Variants in MAST2 observed in about 807,000 individuals in gnomAD.
MAST2 encodes the protein microtubule-associated serine/threonine-protein kinase 2.
In MAST2, 70 loss-of-function variants were observed where a neutral mutation model predicts 147.4. The ratio of observed to expected loss-of-function variants is 0.47; its 90% CI spans 0.39 to 0.58. The LOEUF (loss-of-function observed/expected upper bound fraction) is 0.58, where lower values mean the gene tolerates loss of function less well. Ranked by LOEUF, MAST2 falls within the 20% of genes least tolerant of loss-of-function variation. The probability of loss-of-function intolerance (pLI) is 0.00; values close to 1 mark genes in which losing one functional copy is unlikely to be tolerated. For synonymous variants in MAST2, 869 were observed against 896.8 expected (o/e 0.97, Z 0.55); for missense variants, 2,080 against 2,302.3 (o/e 0.90, Z 1.98).
chr1:46,029,689 C>T, intron 19 of MAST2, 122 bp downstream of exon 19: 2 of 1,366,252 alleles, frequency 1.5e-6, no homozygotes, highest in Non-Finnish European at 2.0e-6. Context: ...AAACTCTGCC[C>T]TGCTCTGTAG....
At chr1:45,889,191 T>A (rs6662548) in intron 4 of MAST2, among the ~76,000 whole-genome samples, 67,185 of 149,792 alleles carry the variant, frequency 0.45, 14,995 homozygotes, top group East Asian at 0.62. Flanking sequence ...TTTGGTGAAA[T>A]TTTTTTTTTT....
chr1:45,978,900 T>A (rs1644283950), intron 5 of MAST2, among the ~76,000 whole-genome samples: 1 of 152,178 alleles, frequency 6.6e-6, no homozygotes, highest in Non-Finnish European at 1.5e-5. Flanking sequence ...AGGTATAGAT[T>A]CATTTTTGGG....
At chr1:45,906,391 T>A (rs1650731219) in intron 4 of MAST2, among the ~76,000 whole-genome samples, 2 of 151,718 alleles carry the variant, frequency 1.3e-5, no homozygotes, top group African/African-American at 2.4e-5. Flanking sequence ...ATTTAAAATT[T>A]AAAAATAAAA....
At chr1:45,899,307 C>CTTTTTTTTTTTTTTT (rs770069959) in intron 4 of MAST2, among the ~76,000 whole-genome samples, 33 of 108,016 alleles carry the variant, frequency 3.1e-4, no homozygotes, top group East Asian at 5.6e-4. Context: ...CCTTTCTTTT[C>CTTTTTTTTTTTTTTT]TTTTTTTTTT....
Position 46,034,948 on chromosome 1 carries a change from A to G in MAST2, c.4279A>G (p.Lys1427Glu), listed in dbSNP as rs1190751641. 2 of 1,613,984 alleles carry G rather than the reference A, an allele frequency of 1.2e-6. No individual in the cohort carries two copies. The highest frequency in any genetic ancestry group is 2.7e-5 in the African/African-American group (2 of 74,918). ...TGAGAAGAAGCTAGCCACTTCTCGC[A>G]AGCACAGCCTTGACCTGCCCCACTC... is the stretch of plus-strand genomic sequence containing the variant. ...ASEKKLATSR[K>E]HSLDLPHSEL... The change falls in exon 29 of 29, where the codon AAG becomes GAG. Residue 1427 changes from lysine to glutamate, a missense_variant. This residue lies in a region of MAST2 where 1,278 missense variants were observed against 1,304.2 expected (regional missense o/e 0.98). Coordinates refer to ENST00000361297, the MANE Select transcript of MAST2 (RefSeq NM_015112.3).
chr1:45,848,948 T>C (rs1645532245), intron 3 of MAST2, among the ~76,000 whole-genome samples: 1 of 152,122 alleles, frequency 6.6e-6, no homozygotes, highest in Admixed American at 6.6e-5. Flanking sequence ...ACAGCCCAGC[T>C]GGGAGCCAAA....
chr1:45,913,632 G>T (rs899662804), intron 4 of MAST2: 2 of 1,003,128 alleles, frequency 2.0e-6, no homozygotes, highest in South Asian at 4.0e-5. Context: ...CTGCTGCCTC[G>T]TGGGCTCTTA....
At chr1:45,816,623 TA>T (rs35426195) in intron 1 of MAST2, among the ~76,000 whole-genome samples, 1 of 151,510 alleles carries the variant, frequency 6.6e-6, no homozygotes, top group East Asian at 1.9e-4. Context: ...GTTGATATAC[TA>T]AGGAATGCAT....
rs780054448 is a variant in MAST2, at chr1:46,028,966, CAG to C, written c.2218+36_2218+37del. Reference sequence around the variant, plus strand: ...CTATGCCCCTGGCCCAGTGGGGAAACAGAGTCTGAATCCACAAATATGATGTA... The same window carrying C: ...CTATGCCCCTGGCCCAGTGGGGAAACAGTCTGAATCCACAAATATGATGTA... On this transcript the variant is annotated intron_variant, in intron 18 of 28. Coordinates refer to ENST00000361297, the MANE Select transcript of MAST2 (RefSeq NM_015112.3). 10 of 1,528,212 alleles carry C rather than the reference CAG, an allele frequency of 6.5e-6. No individual in the cohort carries two copies. In the South Asian group the frequency reaches 6.5e-5, roughly 10 times the overall value. The allele number at this position is 1,528,212 out of a possible 1,614,324, so 94.7% of individuals were successfully genotyped here. A position where few individuals can be genotyped will look rare whatever the true frequency, so the allele number is the denominator to read the frequency against.
At chr1:45,877,243 G>A (rs1366163817) in intron 3 of MAST2, among the ~76,000 whole-genome samples, 1 of 152,264 alleles carries the variant, frequency 6.6e-6, no homozygotes, top group South Asian at 2.1e-4. Context: ...GCTGTATGAA[G>A]CCTCTTTTTT....
chr1:45,946,639 G>T (rs1658073782), intron 4 of MAST2, among the ~76,000 whole-genome samples: 1 of 152,170 alleles, frequency 6.6e-6, no homozygotes, highest in Non-Finnish European at 1.5e-5. Context: ...ACTGAATTAT[G>T]CTTCCTTTGC....
chr1:45,838,150 C>T (rs1379641435), intron 3 of MAST2, among the ~76,000 whole-genome samples: 3 of 150,738 alleles, frequency 2.0e-5, no homozygotes, highest in African/African-American at 4.9e-5. Flanking sequence ...TTTTAATTTG[C>T]ATTTCTCTAA....
intron 3 of MAST2, among the ~76,000 whole-genome samples, chr1:45,853,798 C>T (rs1645700877): frequency 6.6e-6 from 1 of 151,556 alleles, no homozygotes; most frequent in Non-Finnish European, 1.5e-5. Flanking sequence ...GGTGTCATGT[C>T]TAAGAACTTT....
intron 3 of MAST2, among the ~76,000 whole-genome samples, chr1:45,839,332 G>C (rs1645203923): frequency 6.6e-6 from 1 of 152,088 alleles, no homozygotes; most frequent in African/African-American, 2.4e-5. Context: ...GTTTCACCAT[G>C]TTGGCCAGGC....
At chr1:45,918,848 T>A (rs1029559717) in intron 4 of MAST2, among the ~76,000 whole-genome samples, 1 of 152,096 alleles carries the variant, frequency 6.6e-6, no homozygotes, top group Admixed American at 6.6e-5. Context: ...CGCAGTGGCT[T>A]ACACCTGTAA....
chr1:45,897,733 C>G (rs1454677410), intron 4 of MAST2, among the ~76,000 whole-genome samples: 1 of 151,460 alleles, frequency 6.6e-6, no homozygotes, highest in Non-Finnish European at 1.5e-5. Flanking sequence ...CTCTTGAGCC[C>G]TGGAAGCGGA....
chr1:45,833,486 A>G (rs1195496498), intron 3 of MAST2, among the ~76,000 whole-genome samples: 1 of 152,172 alleles, frequency 6.6e-6, no homozygotes, highest in African/African-American at 2.4e-5. Context: ...ATTGCTATGA[A>G]CATTCATGTA....
chr1:45,926,821 A>C (rs1395115303), intron 4 of MAST2, among the ~76,000 whole-genome samples: 2 of 152,002 alleles, frequency 1.3e-5, no homozygotes, highest in African/African-American at 4.8e-5. Flanking sequence ...AGGAACCCTT[A>C]TATGCGACAG....
At chr1:45,930,995 TTTA>T (rs1451879572) in intron 4 of MAST2, among the ~76,000 whole-genome samples, 12 of 152,220 alleles carry the variant, frequency 7.9e-5, no homozygotes, top group African/African-American at 2.9e-4. Context: ...CCCTGAACAC[TTTA>T]GTGTATACTT....
Sources: allele counts gnomAD v4.1 joint callset (sites outside exome capture counted in the v4.1 genomes callset), GRCh38; gene constraint gnomAD v4.1.1; regional missense constraint gnomAD v4.1.1; transcripts MANE v1.5; gene names NCBI Gene and HGNC (gene_info 2026-07-23, HGNC 2026-07-21).